The following MEIOB variants were observed in gnomAD, a reference collection of about 807,000 sequenced individuals.
MEIOB encodes the protein meiosis specific with OB-fold.
In MEIOB, 50 loss-of-function variants were observed where a neutral mutation model predicts 53.1. The ratio of observed to expected loss-of-function variants is 0.94; its 90% confidence interval spans 0.75 to 1.19. MEIOB has a LOEUF of 1.19. Ranked by LOEUF, MEIOB falls within the 50% of genes most tolerant of loss-of-function variation. The pLI, the probability that MEIOB is intolerant of heterozygous loss-of-function variation, is 0.00. For synonymous variants in MEIOB, 192 were observed against 182.5 expected (o/e 1.05, Z -0.42); for missense variants, 551 against 550.8 (o/e 1.00, Z 0.00).
At chr16:1,865,683 A>G in intron 3 of MEIOB, 95 bp downstream of exon 3, 2 of 871,496 alleles carry the variant, frequency 2.3e-6, no homozygotes, top group Non-Finnish European at 3.5e-6. Context: ...AAGGAGTTAA[A>G]CAGGCATAGA....
chr16:1,871,598 C>G (rs1283323652), intron 1 of MEIOB, among the ~76,000 whole-genome samples: 1 of 127,886 alleles, frequency 7.8e-6, no homozygotes, highest in East Asian at 2.4e-4. Context: ...GATCTTGGTT[C>G]ACTGCAACCT....
chr16:1,834,038 G>A lies in MEIOB; in HGVS notation c.*218C>T, dbSNP rs1898673275. 1 of 409,782 alleles carries A rather than the reference G, an allele frequency of 2.4e-6. No homozygotes were observed. The highest frequency in any genetic ancestry group is 4.3e-6 in the Non-Finnish European group (1 of 231,334). 25.4% of individuals were successfully genotyped at this position (409,782 alleles called of 1,614,324 possible). On this transcript the variant is annotated 3_prime_UTR_variant, in exon 14 of 14. Transcript: ENST00000325962. Reference sequence around the variant, plus strand: ...ATGTAAACATTTTCCAACTTGGGAGGAGACAAGGCAAAGACAGTAGGAGGC... The same window carrying A: ...ATGTAAACATTTTCCAACTTGGGAGAAGACAAGGCAAAGACAGTAGGAGGC...
chr16:1,868,267 T>G (rs946410315), intron 1 of MEIOB, 83 bp from the exon 2 acceptor site: 1 of 772,578 alleles, frequency 1.3e-6, no homozygotes, highest in African/African-American at 1.8e-5. Flanking sequence ...GTTTAAAATC[T>G]TATTTAGGGC....
intron 12 of MEIOB, 192 bp from the exon 13 acceptor site, chr16:1,838,062 T>C (rs769142272): frequency 4.8e-5 from 51 of 1,068,846 alleles, no homozygotes; most frequent in Admixed American, 5.3e-5. Flanking sequence ...AGCAGTGCTA[T>C]CACAGCTCAC....
chr16:1,846,673 C>T (rs111505355), intron 9 of MEIOB, among the ~76,000 whole-genome samples: 12,959 of 152,082 alleles, frequency 0.085, 696 homozygotes, highest in South Asian at 0.2. Flanking sequence ...AGCTGAAAGC[C>T]GCCATTCTCA....
At position 1,840,460 on chromosome 16, in the gene MEIOB, T is replaced by A. The variant is rs145175344; in HGVS notation, c.1035-1022A>T. 3.3e-3 allele frequency among the ~76,000 whole-genome samples: 495 copies of A among 152,160 alleles called. 4 individuals are homozygous for A. The highest frequency in any genetic ancestry group is 0.017 in the Middle Eastern group (5 of 294). ...ACCAGTGGATTGAATGGTGTTGATA[T>A]CCTGGCTGTGACATGGTACTATCAC... is the stretch of plus-strand genomic sequence containing the variant. On this transcript the variant is annotated intron_variant, in intron 11 of 13. Transcript: ENST00000325962.
chr16:1,857,621 G>A, intron 6 of MEIOB, 114 bp downstream of exon 6: 1 of 712,114 alleles, frequency 1.4e-6, no homozygotes, highest in South Asian at 1.8e-5. Flanking sequence ...ATACTACCAA[G>A]ATAGAGAAGA....
Position 1,837,823 on chromosome 16 carries a change from C to CT in MEIOB, c.1265dup (p.Trp423ValfsTer27), listed in dbSNP as rs978878313. 1.9e-6 allele frequency: 3 copies of CT among 1,540,910 alleles called. No homozygotes were observed. The African/African-American group carries it at 4.1e-5, about 21-fold the overall frequency. ...TGCTTCTTTCCAAGAGAAATTGCCA[C>CT]TTTAATGCTGTTTTCTGTTCATCTG... is the stretch of plus-strand genomic sequence containing the variant. On this transcript the variant is annotated frameshift_variant, in exon 13 of 14. Coordinates refer to ENST00000325962, the MANE Select transcript of MEIOB (RefSeq NM_001163560.3). LOFTEE classifies it high-confidence loss of function.
intron 2 of MEIOB, 132 bp from the exon 3 acceptor site, chr16:1,865,967 T>C (rs1899584285): frequency 4.9e-6 from 3 of 612,514 alleles, no homozygotes; most frequent in Non-Finnish European, 8.4e-6. Context: ...AATGTATTTA[T>C]TCCAGGCAAA....
chr16:1,837,486 G>A (rs115944821), intron 13 of MEIOB, among the ~76,000 whole-genome samples: 1 of 152,114 alleles, frequency 6.6e-6, no homozygotes, highest in Admixed American at 6.6e-5. Context: ...GATTACAGGT[G>A]TGTACTATTG....
intron 3 of MEIOB, among the ~76,000 whole-genome samples, chr16:1,862,430 T>G (rs1899470563): frequency 6.6e-6 from 1 of 152,202 alleles, no homozygotes; most frequent in Non-Finnish European, 1.5e-5. Context: ...AGGTATTACC[T>G]TAGGTTCTCC....
intron 7 of MEIOB, 98 bp from the exon 8 acceptor site, chr16:1,853,369 GGGGT>G: frequency 1.9e-5 from 19 of 998,472 alleles, no homozygotes; most frequent in Non-Finnish European, 2.7e-5. Context: ...TTCAGTGGCT[GGGGT>G]CAGCCATCCC....
chr16:1,868,854 C>CA (rs1306157722), intron 1 of MEIOB, among the ~76,000 whole-genome samples: 3 of 151,470 alleles, frequency 2.0e-5, no homozygotes, highest in Admixed American at 2.0e-4. Flanking sequence ...CACTCCATCT[C>CA]AAAGAATAAA....
chr16:1,841,924 A>C lies in MEIOB; in HGVS notation c.930T>G (p.Ala310=), dbSNP rs772006779. ...GATCAGCTTTTCCTTCATTCTTCAA[A>C]GCTTTTCCCTTTAATTGTTCAACTG... ...VYTVEQLKGK[A]LKNEGKADPS... The change falls in exon 11 of 14, where the codon GCT becomes GCG. Residue 310 remains alanine, a synonymous_variant. Coordinates refer to ENST00000325962, the MANE Select transcript of MEIOB (RefSeq NM_001163560.3). 1 of 1,608,876 alleles carries C rather than the reference A, an allele frequency of 6.2e-7. No homozygotes were observed. The highest frequency in any genetic ancestry group is 2.2e-5 in the East Asian group (1 of 44,710).
chr16:1,869,455 A>AT (rs1265033053), intron 1 of MEIOB, among the ~76,000 whole-genome samples: 245 of 146,726 alleles, frequency 1.7e-3, no homozygotes, highest in African/African-American at 5.1e-3. Context: ...TCAATAGGAC[A>AT]TTTTTTTTTT....
rs1026243068 is a variant in MEIOB, at chr16:1,858,047, T to C, written c.333-117A>G. On this transcript the variant is annotated intron_variant, in intron 5 of 13. Coordinates refer to ENST00000325962, the MANE Select transcript of MEIOB (RefSeq NM_001163560.3). The stretch of plus-strand genomic sequence containing the variant: ...AAATTTAGACAATACTAATATATAC[T>C]TTTTACTCTTAGAAACATTGAATAA... The C allele has an allele frequency of 4.7e-6, 3 of 643,166 alleles. No individual in the cohort carries two copies. In the Admixed American group the frequency reaches 9.7e-5, roughly 21 times the overall value. 39.8% of individuals were successfully genotyped at this position (643,166 alleles called of 1,614,324 possible). A position where few individuals can be genotyped will look rare whatever the true frequency, so the allele number is the denominator to read the frequency against.
At chr16:1,846,290 G>A (rs1456297161) in intron 9 of MEIOB, among the ~76,000 whole-genome samples, 3 of 152,140 alleles carry the variant, frequency 2.0e-5, no homozygotes, top group African/African-American at 4.8e-5. Flanking sequence ...ATGGGGGCTG[G>A]CAGGGATGGG....
chr16:1,862,826 G>A (rs902278628), intron 3 of MEIOB, among the ~76,000 whole-genome samples: 11 of 151,862 alleles, frequency 7.2e-5, no homozygotes, highest in Non-Finnish European at 1.3e-4. Context: ...GCTGAGGCAG[G>A]AGAATCGCTT....
At position 1,868,214 on chromosome 16, in the gene MEIOB, A is replaced by G. The variant is rs78028016; in HGVS notation, c.-9-30T>C. The G allele has an allele frequency of 1.9e-4, 202 of 1,083,658 alleles. 1 individual carries two copies. In the African/African-American group the frequency reaches 3.0e-3, roughly 16 times the overall value. The allele number at this position is 1,083,658 out of a possible 1,614,324, so 67.1% of individuals were successfully genotyped here. A position where few individuals can be genotyped will look rare whatever the true frequency, so the allele number is the denominator to read the frequency against. ...ATTTTAGAAAATATAATTTAGATAT[A>G]TAAATTGAATAAATGAAATAAATCA... On this transcript the variant is annotated intron_variant, in intron 1 of 13. Transcript: ENST00000325962.
Sources: gnomAD v4.1 joint callset for allele counts (sites outside exome capture counted in the v4.1 genomes callset) on GRCh38, gnomAD v4.1.1 for gene constraint, MANE v1.5 for transcripts, NCBI Gene and HGNC (gene_info 2026-07-23, HGNC 2026-07-21) for gene names.